The following PDE4D variants were observed in gnomAD, a reference collection of about 807,000 sequenced individuals.
PDE4D encodes the protein 3',5'-cyclic-AMP phosphodiesterase 4D.
PDE4D carries 24 observed loss-of-function variants against 87.4 expected under a neutral mutation model. The ratio of observed to expected loss-of-function variants is 0.27; its 90% CI spans 0.20 to 0.39. The LOEUF (loss-of-function observed/expected upper bound fraction) is 0.39. PDE4D is among the 10% of genes least tolerant of loss of function. PDE4D has a pLI of 1.00. For missense variants in PDE4D, 714 were observed against 1,041.0 expected (o/e 0.69, Z 4.32); for synonymous variants, 384 against 383.2 (o/e 1.00, Z -0.02).
intron 1 of PDE4D, among the ~76,000 whole-genome samples, chr5:59,487,380 T>C (rs1476404500): frequency 3.3e-5 from 5 of 152,166 alleles, no homozygotes; most frequent in Non-Finnish European, 7.3e-5. Flanking sequence ...TTGAGGTTTT[T>C]TTCGTGTTCA....
At chr5:59,988,513 C>T in exon 3 of PDE4D, 11 of 1,598,414 alleles carry the variant, frequency 6.9e-6, no homozygotes, top group Non-Finnish European at 9.3e-6. Context: ...GAAGTGATAG[C>T]AATCAGCGGC....
intron 1 of PDE4D, among the ~76,000 whole-genome samples, chr5:59,617,366 A>G (rs1485300450): frequency 6.6e-6 from 1 of 152,160 alleles, no homozygotes; most frequent in African/African-American, 2.4e-5. Flanking sequence ...GCTAATATTG[A>G]TCTATGAATG....
intron 1 of PDE4D, among the ~76,000 whole-genome samples, chr5:59,353,579 A>G (rs760942752): frequency 1.3e-5 from 2 of 152,028 alleles, no homozygotes; most frequent in African/African-American, 4.8e-5. Flanking sequence ...GTGGTGCCCT[A>G]ATGCTAACAC....
chr5:59,318,723 GA>G (rs1177744613), intron 1 of PDE4D, among the ~76,000 whole-genome samples: 4 of 152,030 alleles, frequency 2.6e-5, no homozygotes, highest in Admixed American at 2.6e-4. Flanking sequence ...TAATAGGCAA[GA>G]TTTTTTTTAA....
At chr5:58,976,501 C>A (rs751176300) in intron 12 of PDE4D, 29 bp from the exon 13 acceptor site, 1 of 1,473,290 alleles carries the variant, frequency 6.8e-7, no homozygotes, top group Non-Finnish European at 9.2e-7. Flanking sequence ...TTATTAAGTT[C>A]AGAGAAAACA....
At chr5:59,440,034 A>C (rs1797362006) in intron 1 of PDE4D, among the ~76,000 whole-genome samples, 1 of 152,226 alleles carries the variant, frequency 6.6e-6, no homozygotes, top group African/African-American at 2.4e-5. Flanking sequence ...AACCATTAAG[A>C]TTCTGTAAGT....
At chr5:60,039,897 T>C (rs1768267108) in intron 2 of PDE4D, among the ~76,000 whole-genome samples, 1 of 152,212 alleles carries the variant, frequency 6.6e-6, no homozygotes, top group African/African-American at 2.4e-5. Flanking sequence ...GCACAATGGC[T>C]GCCCAGGCTT....
At chr5:59,895,315 A>T (rs1378848824), upstream of PDE4D, among the ~76,000 whole-genome samples, 3 of 152,158 alleles carry the variant, frequency 2.0e-5, no homozygotes, top group African/African-American at 7.2e-5. Flanking sequence ...TCATCTCTTC[A>T]TGCTATTTAT....
chr5:59,581,848 T>C (rs895806460), intron 1 of PDE4D, among the ~76,000 whole-genome samples: 1 of 152,180 alleles, frequency 6.6e-6, no homozygotes, highest in African/African-American at 2.4e-5. Context: ...GAGAAAAGTT[T>C]TATGTTTAAT....
intron 1 of PDE4D, chr5:60,430,691 C>G (rs967193887): frequency 1.9e-5 from 5 of 260,022 alleles, no homozygotes; most frequent in Non-Finnish European, 3.6e-5. Context: ...TCCCTGCGGC[C>G]TTCCGCAGTG....
At chr5:59,423,735 A>G (rs1794801718) in intron 1 of PDE4D, among the ~76,000 whole-genome samples, 1 of 152,110 alleles carries the variant, frequency 6.6e-6, no homozygotes, top group Admixed American at 6.6e-5. Flanking sequence ...TAAAATACAC[A>G]GTATACATGG....
At chr5:59,879,810 T>C (rs1215705255) in intron 1 of PDE4D, among the ~76,000 whole-genome samples, 1 of 152,112 alleles carries the variant, frequency 6.6e-6, no homozygotes, top group Admixed American at 6.5e-5. Flanking sequence ...GCGCAATCTC[T>C]GCCCACTGCA....
chr5:59,541,986 T>C (rs1816434475), intron 1 of PDE4D, among the ~76,000 whole-genome samples: 1 of 152,148 alleles, frequency 6.6e-6, no homozygotes. Context: ...ATGTTCAAAT[T>C]AGGATGGCCT....
chr5:59,584,556 T>C (rs549613267), intron 1 of PDE4D, among the ~76,000 whole-genome samples: 3 of 152,232 alleles, frequency 2.0e-5, no homozygotes, highest in Admixed American at 2.0e-4. Context: ...TAGAGGAGCA[T>C]GAATAAGCAA....
intron 1 of PDE4D, among the ~76,000 whole-genome samples, chr5:60,381,274 T>C (rs1761839686): frequency 6.6e-6 from 1 of 152,208 alleles, no homozygotes; most frequent in Admixed American, 6.5e-5. Context: ...GCTCAAGTGT[T>C]TCCCTGGTTG....
chr5:60,428,462 T>C (rs544347332), intron 1 of PDE4D, among the ~76,000 whole-genome samples: 1 of 152,190 alleles, frequency 6.6e-6, no homozygotes, highest in Non-Finnish European at 1.5e-5. Context: ...AATTCATTCA[T>C]GCAATGAGAG....
At chr5:59,443,871 T>C (rs1015575894) in intron 1 of PDE4D, among the ~76,000 whole-genome samples, 1 of 151,236 alleles carries the variant, frequency 6.6e-6, no homozygotes, top group Non-Finnish European at 1.5e-5. Flanking sequence ...AAATAGGTAA[T>C]GAGGGGAAAA....
intron 1 of PDE4D, among the ~76,000 whole-genome samples, chr5:60,300,936 A>G (rs1306505408): frequency 1.3e-5 from 2 of 151,898 alleles, no homozygotes; most frequent in Non-Finnish European, 2.9e-5. Context: ...ACACCTGGCT[A>G]ATTTTTGTAT....
chr5:59,575,656 T>A (rs1020338922), intron 1 of PDE4D, among the ~76,000 whole-genome samples: 4 of 152,112 alleles, frequency 2.6e-5, no homozygotes, highest in South Asian at 2.1e-4. Context: ...ATGGGCTATA[T>A]CCTAAAAACC....
Sources: gnomAD v4.1 joint callset for allele counts (sites outside exome capture counted in the v4.1 genomes callset) on GRCh38, gnomAD v4.1.1 for gene constraint, MANE v1.5 for transcripts, NCBI Gene and HGNC (gene_info 2026-07-23, HGNC 2026-07-21) for gene names.